Variants in ALK observed in about 807,000 individuals in gnomAD.
The protein encoded by ALK is ALK tyrosine kinase receptor.
Under a neutral mutation model 163.1 loss-of-function variants are expected in ALK, and 74 were observed. The observed-to-expected ratio is 0.45, with a 90% CI of 0.38 to 0.55. The LOEUF (loss-of-function observed/expected upper bound fraction) is 0.55, where lower values mean the gene tolerates loss of function less well. Among genes scored for constraint, ALK ranks in the 20% least tolerant of loss-of-function variants. The probability of loss-of-function intolerance (pLI) is 0.00; values close to 1 mark genes in which losing one functional copy is unlikely to be tolerated. For synonymous variants in ALK, 960 were observed against 843.2 expected, an observed-to-expected ratio of 1.14 and a Z score of -2.40; for missense variants, 2,063 against 2,105.3, an observed-to-expected ratio of 0.98 and a Z score of 0.39.
chr2:29,659,763 A>G (rs1169045710), intron 3 of ALK, among the ~76,000 whole-genome samples: 1 of 152,168 alleles, frequency 6.6e-6, no homozygotes, highest in East Asian at 1.9e-4. Flanking sequence ...TATTGTTATA[A>G]CATAATACTA....
At position 29,320,887 on chromosome 2, in the gene ALK, G is replaced by A. The variant is rs957699962; in HGVS notation, c.1415-5C>T. ...AAAAACCCACAGGCAGTTTCCCTAT[G>A]GAGAGAGCAGAGAGGCACCATCATT... On this transcript the variant is annotated splice_region_variant and splice_polypyrimidine_tract_variant and intron_variant, in intron 6 of 28. Coordinates refer to ENST00000389048, the MANE Select transcript of ALK (RefSeq NM_004304.5). 49 of 1,614,072 alleles carry A rather than the reference G, an allele frequency of 3.0e-5. No individual in the cohort carries two copies. Among genetic ancestry groups the A allele is most frequent in the Non-Finnish European group, 4.0e-5 (47 of 1,180,024 alleles).
At chr2:29,420,950 G>C (rs570739045) in intron 4 of ALK, among the ~76,000 whole-genome samples, 2 of 151,476 alleles carry the variant, frequency 1.3e-5, no homozygotes, top group Non-Finnish European at 2.9e-5. Context: ...CGGGGAGGTC[G>C]CATGTTCTCC....
intron 1 of ALK, among the ~76,000 whole-genome samples, chr2:29,731,610 T>A (rs779064352): frequency 6.6e-6 from 1 of 152,156 alleles, no homozygotes; most frequent in Non-Finnish European, 1.5e-5. Context: ...ATTAATGATT[T>A]TATTAGATAC....
chr2:29,507,379 G>T (rs1237788128), intron 4 of ALK, among the ~76,000 whole-genome samples: 1 of 152,184 alleles, frequency 6.6e-6, no homozygotes, highest in Non-Finnish European at 1.5e-5. Context: ...GAGGTAGGGG[G>T]AAGTGGGGAA....
chr2:29,837,054 A>C (rs1665581000), intron 1 of ALK, among the ~76,000 whole-genome samples: 1 of 152,122 alleles, frequency 6.6e-6, no homozygotes, highest in African/African-American at 2.4e-5. Context: ...ATCCCCCTCA[A>C]CTTTTGATAG....
intron 3 of ALK, among the ~76,000 whole-genome samples, chr2:29,540,546 T>C (rs1673384884): frequency 6.6e-6 from 1 of 151,508 alleles, no homozygotes; most frequent in Non-Finnish European, 1.5e-5. Flanking sequence ...TTATTTGTCT[T>C]TGGTAGAAAT....
At chr2:29,715,487 C>T (rs1173453873) in intron 2 of ALK, among the ~76,000 whole-genome samples, 1 of 152,150 alleles carries the variant, frequency 6.6e-6, no homozygotes, top group Non-Finnish European at 1.5e-5. Flanking sequence ...CAGGGAGCAC[C>T]ACATGGTTTA....
intron 3 of ALK, among the ~76,000 whole-genome samples, chr2:29,623,031 T>G (rs1410872185): frequency 6.6e-6 from 1 of 152,210 alleles, no homozygotes; most frequent in Admixed American, 6.5e-5. Flanking sequence ...ATGTTTATTG[T>G]GAATGAACAA....
At chr2:29,264,918 T>G (rs773061869) in intron 11 of ALK, among the ~76,000 whole-genome samples, 2 of 152,154 alleles carry the variant, frequency 1.3e-5, no homozygotes, top group East Asian at 1.9e-4. Flanking sequence ...GCGCACACTC[T>G]CACATACTCA....
chr2:29,662,727 T>G (rs374048156), intron 3 of ALK, among the ~76,000 whole-genome samples: 1,605 of 21,848 alleles, frequency 0.073, 29 homozygotes, highest in African/African-American at 0.16. Context: ...CCTCTCATTG[T>G]TTTTTTTGCG....
chr2:29,321,763 G>T (rs1667058384), intron 6 of ALK, among the ~76,000 whole-genome samples: 1 of 152,200 alleles, frequency 6.6e-6, no homozygotes, highest in Admixed American at 6.5e-5. Context: ...GAGATATGGG[G>T]TTTATTACTG....
intron 3 of ALK, among the ~76,000 whole-genome samples, chr2:29,560,144 A>G (rs553320734): frequency 1.6e-4 from 24 of 152,350 alleles, no homozygotes; most frequent in African/African-American, 5.0e-4. Context: ...AGATTTGTAC[A>G]TGACTGTCCA....
At chr2:29,748,534 C>T (rs1290702753) in intron 1 of ALK, among the ~76,000 whole-genome samples, 1 of 152,072 alleles carries the variant, frequency 6.6e-6, no homozygotes, top group Non-Finnish European at 1.5e-5. Flanking sequence ...TGGTCAAACA[C>T]TATACATTGA....
chr2:29,647,775 CTT>C (rs34620705), intron 3 of ALK, among the ~76,000 whole-genome samples: 65 of 117,196 alleles, frequency 5.5e-4, no homozygotes, highest in South Asian at 1.4e-3. Context: ...ATGATTTTTT[CTT>C]TTTTTTTTTT....
At chr2:29,560,796 T>C (rs1014812939) in intron 3 of ALK, among the ~76,000 whole-genome samples, 2 of 152,142 alleles carry the variant, frequency 1.3e-5, no homozygotes, top group African/African-American at 4.8e-5. Flanking sequence ...GGTCTCGAAC[T>C]CCTGGACTCA....
At chr2:29,828,757 C>T (rs11127236) in intron 1 of ALK, among the ~76,000 whole-genome samples, 65,831 of 150,422 alleles carry the variant, frequency 0.44, 15,149 homozygotes, top group East Asian at 0.75. Flanking sequence ...GACAGTGTGG[C>T]GATTCCTCAG....
chr2:29,861,151 G>A (rs62129767), intron 1 of ALK, among the ~76,000 whole-genome samples: 2,139 of 152,260 alleles, frequency 0.014, 27 homozygotes, highest in Non-Finnish European at 0.022. Flanking sequence ...CAGCCTGAGC[G>A]ACAGCACAAG....
intron 3 of ALK, among the ~76,000 whole-genome samples, chr2:29,626,998 C>T (rs1676211654): frequency 6.6e-6 from 1 of 152,134 alleles, no homozygotes; most frequent in Non-Finnish European, 1.5e-5. Context: ...AATCTGCCCA[C>T]TAGTTATTAG....
intron 23 of ALK, among the ~76,000 whole-genome samples, chr2:29,214,690 T>A (rs1669554375): frequency 6.6e-6 from 1 of 152,210 alleles, no homozygotes; most frequent in Admixed American, 6.5e-5. Flanking sequence ...TCCCTACCCC[T>A]CTGGGGACAT....
Sources: gnomAD v4.1 joint callset for allele counts (sites outside exome capture counted in the v4.1 genomes callset) on GRCh38, gnomAD v4.1.1 for gene constraint, MANE v1.5 for transcripts, NCBI Gene and HGNC (gene_info 2026-07-23, HGNC 2026-07-21) for gene names.